Variants in SPATA13 observed in about 807,000 individuals in gnomAD.
The protein encoded by SPATA13 is spermatogenesis-associated protein 13.
Under a neutral mutation model 104.0 loss-of-function variants are expected in SPATA13, and 50 were observed. That is an observed-to-expected ratio of 0.48 (90% CI 0.38 to 0.61). The LOEUF is 0.61. SPATA13 is among the 20% of genes least tolerant of loss of function. The probability of loss-of-function intolerance (pLI) is 0.00; values close to 1 mark genes in which losing one functional copy is unlikely to be tolerated. For missense variants in SPATA13, 1,524 were observed against 1,690.6 expected (o/e 0.90, Z 1.73); for synonymous variants, 606 against 667.5 (o/e 0.91, Z 1.42).
In SPATA13 at chr13:24,291,728, C is replaced by G. The variant is rs915389645; in HGVS notation, c.3080+844C>G. On this transcript the variant is annotated intron_variant, in intron 9 of 12. Coordinates refer to ENST00000382108, the MANE Select transcript of SPATA13 (RefSeq NM_001166271.3). ...AACAACAAGCAACAAAATACACTCT[C>G]TCTCTGTCTTTATTTTTTTATTTTT... Among the ~76,000 whole-genome samples, 8 of 149,414 alleles carry G rather than the reference C, an allele frequency of 5.4e-5. No individual in the cohort carries two copies. The Admixed American group carries it at 5.4e-4, about 10-fold the overall frequency.
At chr13:24,217,336 G>A (rs375380167) in intron 1 of SPATA13, among the ~76,000 whole-genome samples, 12 of 152,128 alleles carry the variant, frequency 7.9e-5, no homozygotes, top group African/African-American at 2.7e-4. Context: ...CTTCCTAATA[G>A]CATCAGTGGC....
At chr13:24,003,682 A>T (rs562023518) in intron 2 of SPATA13, among the ~76,000 whole-genome samples, 2 of 152,364 alleles carry the variant, frequency 1.3e-5, no homozygotes, top group African/African-American at 4.8e-5. Flanking sequence ...ATTGAAGCAG[A>T]GTATTATGAC....
At chr13:23,989,623 G>A (rs894208257) in intron 2 of SPATA13, among the ~76,000 whole-genome samples, 1 of 152,052 alleles carries the variant, frequency 6.6e-6, no homozygotes, top group Non-Finnish European at 1.5e-5. Flanking sequence ...ACAGAGTAAC[G>A]TCCCAGTTCC....
At chr13:24,145,259 A>T (rs1206058141) in intron 3 of SPATA13, among the ~76,000 whole-genome samples, 1 of 152,238 alleles carries the variant, frequency 6.6e-6, no homozygotes, top group African/African-American at 2.4e-5. Flanking sequence ...CAAAATACTA[A>T]GTAGACAGAG....
chr13:24,204,934 A>G (rs1314873962), intron 1 of SPATA13, among the ~76,000 whole-genome samples: 2 of 152,128 alleles, frequency 1.3e-5, no homozygotes, highest in African/African-American at 4.8e-5. Flanking sequence ...TCTGTTCTGC[A>G]TACATCAAAA....
intron 2 of SPATA13, among the ~76,000 whole-genome samples, chr13:23,996,980 G>A (rs1875726765): frequency 1.3e-5 from 2 of 152,188 alleles, no homozygotes; most frequent in Non-Finnish European, 2.9e-5. Flanking sequence ...GGAGAATGTG[G>A]CTGAGAGAGC....
chr13:24,301,688 G>A (rs1315491326), intron 12 of SPATA13, among the ~76,000 whole-genome samples: 1 of 152,188 alleles, frequency 6.6e-6, no homozygotes, highest in Non-Finnish European at 1.5e-5. Context: ...GGGCAGGGAC[G>A]GGTTCTGAGC....
rs553483991 is a variant in SPATA13, at chr13:24,103,657, T to C, written c.-112+85956T>C. 1.2e-4 allele frequency among the ~76,000 whole-genome samples: 19 copies of C among 152,148 alleles called. No individual in the cohort carries two copies. The East Asian group carries it at 3.7e-3, about 29-fold the overall frequency. ...CTATATATAATTACACACATATAGG[T>C]GCACTAGATGTATCTATATGTATTT... On this transcript the variant is annotated intron_variant, in intron 3 of 14. Coordinates refer to the SPATA13 transcript ENST00000424834.
At chr13:24,222,771 C>G (rs1423063009) in intron 1 of SPATA13, 48 bp from the exon 2 acceptor site, 1 of 1,458,430 alleles carries the variant, frequency 6.9e-7, no homozygotes, top group Middle Eastern at 1.8e-4. Context: ...AGCAGAGGGG[C>G]TACTGCGTGG....
Position 24,222,777 on chromosome 13 carries a change from C to T in SPATA13, c.-111-42C>T, listed in dbSNP as rs144061933. 3,208 of 1,473,122 alleles carry T rather than the reference C, an allele frequency of 2.2e-3. 27 individuals are homozygous for T. In the African/African-American group the frequency reaches 0.026, roughly 12 times the overall value. The allele number at this position is 1,473,122 out of a possible 1,614,324, so 91.3% of individuals were successfully genotyped here. A position where few individuals can be genotyped will look rare whatever the true frequency, so the allele number is the denominator to read the frequency against. On this transcript the variant is annotated intron_variant, in intron 1 of 12. Coordinates refer to ENST00000382108, the MANE Select transcript of SPATA13 (RefSeq NM_001166271.3). The stretch of plus-strand genomic sequence containing the variant: ...TCTTCTGTGAGCAGAGGGGCTACTG[C>T]GTGGGAAATGGCTAAACCGCCTGCT...
intron 1 of SPATA13, among the ~76,000 whole-genome samples, chr13:24,181,936 G>A (rs1392470957): frequency 2.6e-5 from 4 of 152,162 alleles, no homozygotes; most frequent in Non-Finnish European, 5.9e-5. Flanking sequence ...TCAACATGGT[G>A]AAACCCCATC....
At chr13:24,128,751 A>G (rs940434683) in intron 3 of SPATA13, among the ~76,000 whole-genome samples, 86 of 139,810 alleles carry the variant, frequency 6.2e-4, no homozygotes, top group Middle Eastern at 3.8e-3. Context: ...AAAAAAAAAA[A>G]CTGCTTACTT....
chr13:24,111,023 T>C (rs930591718), intron 3 of SPATA13, among the ~76,000 whole-genome samples: 9 of 152,128 alleles, frequency 5.9e-5, no homozygotes, highest in African/African-American at 2.2e-4. Context: ...TCCTCCTACC[T>C]CAGTCTCCCA....
At chr13:24,151,979 T>G (rs1394021019) in intron 3 of SPATA13, among the ~76,000 whole-genome samples, 1 of 152,112 alleles carries the variant, frequency 6.6e-6, no homozygotes, top group Non-Finnish European at 1.5e-5. Flanking sequence ...GTGGTTCAGT[T>G]CTCAGGGAAT....
chr13:24,270,072 T>C lies in SPATA13; in HGVS notation c.2165-14063T>C, dbSNP rs1874495737. 3.3e-5 allele frequency among the ~76,000 whole-genome samples: 5 copies of C among 152,230 alleles called. No individual in the cohort carries two copies. The South Asian group carries it at 8.3e-4, about 25-fold the overall frequency. ...CTGTGAGGTCACTACTTTGCGTATATATTACCTCATTGTTCATAAAGTTAA... is the reference window on the plus strand; with the variant it reads ...CTGTGAGGTCACTACTTTGCGTATACATTACCTCATTGTTCATAAAGTTAA... On this transcript the variant is annotated intron_variant, in intron 4 of 12. Transcript: ENST00000382108.
At chr13:23,996,579 T>C (rs1221459015) in intron 2 of SPATA13, among the ~76,000 whole-genome samples, 1 of 151,184 alleles carries the variant, frequency 6.6e-6, no homozygotes, top group African/African-American at 2.4e-5. Context: ...TCTTGCCTTA[T>C]CTGAACAAGT....
intron 3 of SPATA13, among the ~76,000 whole-genome samples, chr13:24,087,250 G>A (rs1297303687): frequency 1.3e-5 from 2 of 152,126 alleles, no homozygotes; most frequent in Non-Finnish European, 2.9e-5. Context: ...CAAGGGGCCT[G>A]GGACCTCCCC....
intron 3 of SPATA13, among the ~76,000 whole-genome samples, chr13:24,031,997 G>A (rs1181950384): frequency 6.6e-6 from 1 of 152,158 alleles, no homozygotes; most frequent in African/African-American, 2.4e-5. Context: ...CCAAACTTTA[G>A]TCAAGCTTCT....
At chr13:24,250,835 A>G (rs17463918) in intron 3 of SPATA13, among the ~76,000 whole-genome samples, 7,947 of 152,326 alleles carry the variant, frequency 0.052, 246 homozygotes, top group Middle Eastern at 0.078. Context: ...GCAAATTGTC[A>G]CGCATTTTAA....
Sources: allele counts gnomAD v4.1 joint callset (sites outside exome capture counted in the v4.1 genomes callset), GRCh38; gene constraint gnomAD v4.1.1; transcripts MANE v1.5; gene names NCBI Gene and HGNC (gene_info 2026-07-23, HGNC 2026-07-21).